ROBO1: variants seen among roughly 807,000 people sequenced by gnomAD.
ROBO1 encodes the protein roundabout homolog 1.
Under a neutral mutation model 195.9 loss-of-function variants are expected in ROBO1, and 149 were observed. That is an observed-to-expected ratio of 0.76 (90% CI 0.67 to 0.87). The LOEUF (loss-of-function observed/expected upper bound fraction) is 0.87. Among genes scored for constraint, ROBO1 ranks in the 40% least tolerant of loss-of-function variants. The pLI is 0.00. For missense variants in ROBO1, 1,933 were observed against 2,068.3 expected, an observed-to-expected ratio of 0.93 and a Z score of 1.27; for synonymous variants, 816 against 733.2, an observed-to-expected ratio of 1.11 and a Z score of -1.82.
chr3:78,823,943 T>G (rs1341671547), intron 4 of ROBO1, among the ~76,000 whole-genome samples: 1 of 152,102 alleles, frequency 6.6e-6, no homozygotes, highest in Non-Finnish European at 1.5e-5. Context: ...TATGAATAAA[T>G]GAGTAGCACT....
rs181584742 is a variant in ROBO1, at chr3:78,995,538, T to C, written c.173-56611A>G. On this transcript the variant is annotated intron_variant, in intron 3 of 30. Coordinates refer to ENST00000464233, the MANE Select transcript of ROBO1 (RefSeq NM_002941.4). ...CGATCGGGAGCATGTTGGGTAATCT[T>C]TTCCGTTTTTAAAGTAAATCATGTG... is the stretch of plus-strand genomic sequence containing the variant. 3.1e-4 allele frequency among the ~76,000 whole-genome samples: 47 copies of C among 152,214 alleles called. No homozygotes were observed. In the East Asian group the frequency reaches 7.4e-3, roughly 24 times the overall value.
At chr3:79,178,313 T>G (rs2081288481) in intron 2 of ROBO1, among the ~76,000 whole-genome samples, 1 of 152,150 alleles carries the variant, frequency 6.6e-6, no homozygotes, top group South Asian at 2.1e-4. Context: ...ATGAAGAAAT[T>G]ATTAGGAATT....
chr3:78,726,420 G>GT (rs1201762800), intron 5 of ROBO1, among the ~76,000 whole-genome samples: 1 of 152,126 alleles, frequency 6.6e-6, no homozygotes, highest in Non-Finnish European at 1.5e-5. Context: ...GGCTTGACGA[G>GT]TGGGATTCAC....
intron 1 of ROBO1, among the ~76,000 whole-genome samples, chr3:79,762,876 G>A (rs1031424259): frequency 6.6e-6 from 1 of 152,076 alleles, no homozygotes; most frequent in Non-Finnish European, 1.5e-5. Flanking sequence ...AGGCCCATGA[G>A]GAGAAGAGGT....
intron 4 of ROBO1, among the ~76,000 whole-genome samples, chr3:78,819,445 C>CAAAA (rs5850394): frequency 4.9e-5 from 6 of 123,520 alleles, no homozygotes; most frequent in African/African-American, 1.5e-4. Context: ...CCATATTCTA[C>CAAAA]AAAAAAAAAA....
intron 2 of ROBO1, among the ~76,000 whole-genome samples, chr3:79,428,230 A>G (rs2106999297): frequency 6.6e-6 from 1 of 152,296 alleles, no homozygotes; most frequent in African/African-American, 2.4e-5. Context: ...AGATACCAAT[A>G]GAGGTATCAA....
chr3:78,735,928 T>C (rs2082382226), intron 5 of ROBO1, among the ~76,000 whole-genome samples: 1 of 152,164 alleles, frequency 6.6e-6, no homozygotes, highest in South Asian at 2.1e-4. Context: ...GCTTGGCATC[T>C]ATTTCTCCCT....
intron 4 of ROBO1, among the ~76,000 whole-genome samples, chr3:78,933,564 TG>T (rs1419048295): frequency 6.6e-6 from 1 of 152,030 alleles, no homozygotes; most frequent in African/African-American, 2.4e-5. Context: ...CTGACATCAT[TG>T]AGATGTCATT....
At chr3:79,539,098 A>C (rs1428695531) in intron 2 of ROBO1, among the ~76,000 whole-genome samples, 1 of 152,190 alleles carries the variant, frequency 6.6e-6, no homozygotes, top group Admixed American at 6.6e-5. Context: ...AGAAAATCCC[A>C]TAGGTTCCCA....
chr3:79,752,673 A>C (rs1704183934), intron 1 of ROBO1, among the ~76,000 whole-genome samples: 1 of 152,160 alleles, frequency 6.6e-6, no homozygotes, highest in South Asian at 2.1e-4. Flanking sequence ...TTGAAAGTTA[A>C]CACTGACAGT....
intron 2 of ROBO1, among the ~76,000 whole-genome samples, chr3:79,280,188 G>A (rs2031398077): frequency 6.6e-6 from 1 of 152,088 alleles, no homozygotes; most frequent in Non-Finnish European, 1.5e-5. Context: ...CTATAGCACT[G>A]TGGTTAACAG....
chr3:79,199,866 C>T (rs1159114432), intron 2 of ROBO1, among the ~76,000 whole-genome samples: 1 of 151,620 alleles, frequency 6.6e-6, no homozygotes, highest in Non-Finnish European at 1.5e-5. Flanking sequence ...AGTGTTCTTG[C>T]CCTGTACTGA....
intron 2 of ROBO1, among the ~76,000 whole-genome samples, chr3:79,201,490 G>T (rs541171984): frequency 1.3e-5 from 2 of 152,074 alleles, no homozygotes; most frequent in Admixed American, 1.3e-4. Flanking sequence ...TATCACAAAT[G>T]CTATCTACTA....
chr3:78,853,980 C>G (rs2106899665), intron 4 of ROBO1, among the ~76,000 whole-genome samples: 1 of 152,184 alleles, frequency 6.6e-6, no homozygotes, highest in African/African-American at 2.4e-5. Flanking sequence ...CTTCCCACAA[C>G]ACATGGGAAT....
In ROBO1 at chr3:79,241,676, A is replaced by G. The variant is rs138265244; in HGVS notation, c.89-116137T>C. Among the ~76,000 whole-genome samples the G allele has an allele frequency of 3.8e-3, 568 of 150,750 alleles. 5 individuals carry two copies. Among genetic ancestry groups the G allele is most frequent in the African/African-American group, 0.013 (527 of 41,336 alleles). On this transcript the variant is annotated intron_variant, in intron 2 of 30. Coordinates refer to ENST00000464233, the MANE Select transcript of ROBO1 (RefSeq NM_002941.4). ...AACCAATATTTGTGTAAATATAGAT[A>G]ACAATATTTATGTAATAAATATGTA... is the stretch of plus-strand genomic sequence containing the variant.
At chr3:79,524,968 G>A (rs1351503348) in intron 2 of ROBO1, among the ~76,000 whole-genome samples, 2 of 151,880 alleles carry the variant, frequency 1.3e-5, no homozygotes, top group South Asian at 4.2e-4. Context: ...TATAGAGAGA[G>A]AAACAGAGAG....
intron 3 of ROBO1, among the ~76,000 whole-genome samples, chr3:78,980,932 A>T (rs987375289): frequency 5.3e-5 from 8 of 152,210 alleles, no homozygotes; most frequent in Admixed American, 1.3e-4. Context: ...TACTACCAAC[A>T]TCCAAACTGT....
At chr3:79,388,612 G>T (rs1265004289) in intron 2 of ROBO1, among the ~76,000 whole-genome samples, 1 of 151,924 alleles carries the variant, frequency 6.6e-6, no homozygotes, top group Admixed American at 6.6e-5. Flanking sequence ...AACTCCATGA[G>T]GCAGGCACAT....
intron 4 of ROBO1, among the ~76,000 whole-genome samples, chr3:78,780,991 G>A (rs1276957337): frequency 1.3e-5 from 2 of 152,096 alleles, no homozygotes; most frequent in Admixed American, 1.3e-4. Context: ...TCACAGCTCA[G>A]ATTTATTTCT....
Sources: allele counts gnomAD v4.1 joint callset (sites outside exome capture counted in the v4.1 genomes callset), GRCh38; gene constraint gnomAD v4.1.1; transcripts MANE v1.5; gene names NCBI Gene and HGNC (gene_info 2026-07-23, HGNC 2026-07-21).